Variants in DACH2 observed in about 807,000 individuals in gnomAD.
The protein encoded by DACH2 is dachshund homolog 2.
A neutral mutation model predicts 35.8 loss-of-function variants in DACH2; 17 were observed. The ratio of observed to expected loss-of-function variants is 0.48; its 90% CI spans 0.33 to 0.71. DACH2 has a LOEUF of 0.71. Among genes scored for constraint, DACH2 ranks in the 30% least tolerant of loss-of-function variants. The probability of loss-of-function intolerance (pLI) is 0.02; values close to 1 mark genes in which losing one functional copy is unlikely to be tolerated. For missense variants in DACH2, 469 were observed against 472.7 expected (o/e 0.99, Z 0.07); for synonymous variants, 195 against 177.3 (o/e 1.10, Z -0.79).
chrX:86,819,559 C>A (rs1569485772), intron 11 of DACH2, among the ~76,000 whole-genome samples: 1 of 111,851 alleles, frequency 8.9e-6, no homozygotes. Flanking sequence ...ACAGCAGTAC[C>A]ATTAGCTAAC....
intron 1 of DACH2, among the ~76,000 whole-genome samples, chrX:86,236,423 A>T (rs2033058401): frequency 8.9e-6 from 1 of 112,459 alleles, no homozygotes; most frequent in African/African-American, 3.2e-5. Flanking sequence ...TATATATTTA[A>T]TATACAGTCA....
chrX:86,428,273 C>A (rs1342936682), intron 2 of DACH2, among the ~76,000 whole-genome samples: 1 of 111,340 alleles, frequency 9.0e-6, no homozygotes, highest in Non-Finnish European at 1.9e-5. Flanking sequence ...TAAATAGTAG[C>A]CTTTGAAATT....
At chrX:86,666,603 CT>C (rs1229833457) in intron 4 of DACH2, among the ~76,000 whole-genome samples, 1 of 111,877 alleles carries the variant, frequency 8.9e-6, no homozygotes, top group Admixed American at 9.5e-5. Flanking sequence ...AGGCAAGTCT[CT>C]TTCTGTACCT....
chrX:86,569,312 T>A (rs2039334061), intron 3 of DACH2, among the ~76,000 whole-genome samples: 1 of 111,492 alleles, frequency 9.0e-6, no homozygotes, highest in Non-Finnish European at 1.9e-5. Context: ...ACGGATCTAA[T>A]AGCTTTTGAA....
intron 2 of DACH2, among the ~76,000 whole-genome samples, chrX:86,404,349 T>C (rs1326013221): frequency 8.9e-6 from 1 of 111,982 alleles, no homozygotes; most frequent in Non-Finnish European, 1.9e-5. Flanking sequence ...GTTATTTACT[T>C]CCTAGATACA....
intron 2 of DACH2, among the ~76,000 whole-genome samples, chrX:86,489,793 T>A (rs2038069607): frequency 8.9e-6 from 1 of 111,798 alleles, no homozygotes; most frequent in Non-Finnish European, 1.9e-5. Flanking sequence ...TGCTCGTTAT[T>A]GTGCATTAAA....
At chrX:86,284,685 C>A (rs2034110490) in intron 1 of DACH2, among the ~76,000 whole-genome samples, 1 of 110,879 alleles carries the variant, frequency 9.0e-6, no homozygotes, top group South Asian at 3.8e-4. Flanking sequence ...GGTATTAGTT[C>A]TTCTTTAAAT....
intron 7 of DACH2, among the ~76,000 whole-genome samples, chrX:86,780,013 T>C (rs1039723167): frequency 1.8e-5 from 2 of 110,477 alleles, no homozygotes; most frequent in Non-Finnish European, 3.8e-5. Context: ...AAAACAAAGC[T>C]GGGAGTCTGA....
intron 1 of DACH2, among the ~76,000 whole-genome samples, chrX:86,159,770 A>G (rs2030679992): frequency 8.9e-6 from 1 of 111,839 alleles, no homozygotes; most frequent in Non-Finnish European, 1.9e-5. Flanking sequence ...GCTAACCTAC[A>G]TTAGTGGAAG....
intron 2 of DACH2, among the ~76,000 whole-genome samples, chrX:86,462,363 A>G (rs764965733): frequency 2.8e-4 from 31 of 111,787 alleles, no homozygotes; most frequent in Non-Finnish European, 5.1e-4. Flanking sequence ...ATACAGTGAA[A>G]TAAATGCAAA....
chrX:86,347,981 T>C (rs1258453586), intron 1 of DACH2, among the ~76,000 whole-genome samples: 1 of 112,095 alleles, frequency 8.9e-6, no homozygotes, highest in African/African-American at 3.2e-5. Flanking sequence ...AGCCTGTTGA[T>C]ACCTTGTTTT....
chrX:86,551,527 G>A (rs1415253110), intron 3 of DACH2, among the ~76,000 whole-genome samples: 1 of 111,859 alleles, frequency 8.9e-6, no homozygotes, highest in Non-Finnish European at 1.9e-5. Flanking sequence ...AGGATTACTA[G>A]CATTGCTAAA....
At chrX:86,356,758 T>A (rs761557070) in intron 1 of DACH2, among the ~76,000 whole-genome samples, 125 of 111,910 alleles carry the variant, frequency 1.1e-3, no homozygotes, top group African/African-American at 3.9e-3. Context: ...TTGGCAGATA[T>A]ATGAGTTGAA....
At chrX:86,656,042 T>A (rs1036451367) in intron 4 of DACH2, among the ~76,000 whole-genome samples, 5 of 72,228 alleles carry the variant, frequency 6.9e-5, no homozygotes, top group African/African-American at 2.6e-4. Flanking sequence ...CCCCCCCCAC[T>A]AATCTGTACA....
chrX:86,665,801 A>T (rs941931521), intron 4 of DACH2, among the ~76,000 whole-genome samples: 7 of 110,568 alleles, frequency 6.3e-5, no homozygotes, highest in Middle Eastern at 4.6e-3. Context: ...AAATCTTTTG[A>T]TGGGATTTCC....
rs1432683749 is a variant in DACH2, at chrX:86,591,288, T to C, written c.641-59748T>C. On this transcript the variant is annotated intron_variant, in intron 3 of 11. Coordinates refer to ENST00000373125, the MANE Select transcript of DACH2 (RefSeq NM_053281.3). ...AATAGTGCCGCAATAAACATATGTG[T>C]GTATGTGTCTTTATAGCAGCACGAT... Among the ~76,000 whole-genome samples the C allele has an allele frequency of 4.5e-5, 5 of 111,662 alleles. No individual in the cohort carries two copies. In the East Asian group the frequency reaches 1.4e-3, roughly 32 times the overall value.
intron 1 of DACH2, among the ~76,000 whole-genome samples, chrX:86,365,321 C>T (rs1202585374): frequency 2.4e-5 from 2 of 82,771 alleles, no homozygotes; most frequent in African/African-American, 8.7e-5. Flanking sequence ...GAGATAAAGG[C>T]GAAAAACTTG....
chrX:86,816,794 G>T (rs2042458021), intron 11 of DACH2, among the ~76,000 whole-genome samples: 1 of 111,927 alleles, frequency 8.9e-6, no homozygotes, highest in Admixed American at 9.5e-5. Flanking sequence ...TGATTCCAAT[G>T]CACTTCTAGA....
chrX:86,333,852 C>G (rs751403909), intron 1 of DACH2, among the ~76,000 whole-genome samples: 2 of 111,336 alleles, frequency 1.8e-5, no homozygotes, highest in South Asian at 7.6e-4. Flanking sequence ...TGGTTTGCTG[C>G]AACCATCAAC....
Sources: gnomAD v4.1 joint callset for allele counts (sites outside exome capture counted in the v4.1 genomes callset) on GRCh38, gnomAD v4.1.1 for gene constraint, MANE v1.5 for transcripts, NCBI Gene and HGNC (gene_info 2026-07-23, HGNC 2026-07-21) for gene names.